ASTN2: variants seen among roughly 807,000 people sequenced by gnomAD.
ASTN2 encodes the protein astrotactin 2, also known as astrotactin-2.
Under a neutral mutation model 139.8 loss-of-function variants are expected in ASTN2, and 54 were observed. That is an observed-to-expected ratio of 0.39 (90% CI 0.31 to 0.48). The LOEUF (loss-of-function observed/expected upper bound fraction) is 0.48, where lower values mean the gene tolerates loss of function less well. Ranked by LOEUF, ASTN2 falls within the 20% of genes least tolerant of loss-of-function variation. The pLI, the probability that ASTN2 is intolerant of heterozygous loss-of-function variation, is 0.95. For missense variants in ASTN2, 1,565 were observed against 1,725.1 expected (o/e 0.91, Z 1.64); for synonymous variants, 756 against 719.5 (o/e 1.05, Z -0.81).
At chr9:116,553,935 G>A (rs903644496) in intron 19 of ASTN2, among the ~76,000 whole-genome samples, 4 of 152,206 alleles carry the variant, frequency 2.6e-5, no homozygotes, top group African/African-American at 9.6e-5. Context: ...ATCTAAAGGT[G>A]TAAGTTGTTC....
At chr9:116,792,259 G>T (rs140011559) in intron 13 of ASTN2, among the ~76,000 whole-genome samples, 6 of 152,188 alleles carry the variant, frequency 3.9e-5, no homozygotes, top group Admixed American at 2.6e-4. Flanking sequence ...GGGTGTTGAT[G>T]CTATGAGATT....
chr9:116,487,689 G>A (rs10125426), intron 19 of ASTN2, among the ~76,000 whole-genome samples, 189 bp from the exon 20 acceptor site: 2,632 of 152,184 alleles, frequency 0.017, 73 homozygotes, highest in African/African-American at 0.061. Flanking sequence ...ATATTTATGC[G>A]CAATTTTTTC....
chr9:116,454,804 T>A (rs560213884), intron 20 of ASTN2, among the ~76,000 whole-genome samples: 1 of 152,028 alleles, frequency 6.6e-6, no homozygotes, highest in African/African-American at 2.4e-5. Flanking sequence ...AAACCAAGCA[T>A]CGCATGTTCT....
intron 10 of ASTN2, among the ~76,000 whole-genome samples, chr9:116,963,677 C>T (rs1835929570): frequency 6.6e-6 from 1 of 152,158 alleles, no homozygotes; most frequent in Admixed American, 6.5e-5. Flanking sequence ...GAACTTGGGG[C>T]TTTCCTCCAT....
At chr9:117,386,695 C>G (rs1294148001) in intron 1 of ASTN2, among the ~76,000 whole-genome samples, 1 of 152,114 alleles carries the variant, frequency 6.6e-6, no homozygotes, top group Non-Finnish European at 1.5e-5. Context: ...ATGCCTCCCT[C>G]TCTGAGGGCA....
chr9:116,979,645 GATTTA>G (rs1467854436), intron 7 of ASTN2, among the ~76,000 whole-genome samples: 1 of 152,084 alleles, frequency 6.6e-6, no homozygotes, highest in African/African-American at 2.4e-5. Flanking sequence ...TCCCAGGACT[GATTTA>G]TGATCTGCTA....
chr9:116,724,635 C>T (rs148264252), intron 16 of ASTN2, among the ~76,000 whole-genome samples: 4 of 152,294 alleles, frequency 2.6e-5, no homozygotes, highest in Non-Finnish European at 5.9e-5. Flanking sequence ...AACTGGAGTG[C>T]TATGCTCAAT....
At chr9:117,107,718 T>A (rs777708337) in intron 4 of ASTN2, among the ~76,000 whole-genome samples, 14 of 152,336 alleles carry the variant, frequency 9.2e-5, no homozygotes, top group Non-Finnish European at 1.8e-4. Flanking sequence ...TCAGCTTTAT[T>A]GGCAGCTGAC....
chr9:117,360,992 G>A (rs370618246), intron 1 of ASTN2, among the ~76,000 whole-genome samples: 13 of 151,962 alleles, frequency 8.6e-5, no homozygotes, highest in East Asian at 3.9e-4. Flanking sequence ...TTAAATCCCC[G>A]AATTATTCTA....
At position 116,959,439 on chromosome 9, in the gene ASTN2, T is replaced by C. The variant is rs369660978; in HGVS notation, c.1889+15769A>G. 4.3e-4 allele frequency among the ~76,000 whole-genome samples: 66 copies of C among 152,236 alleles called. No individual in the cohort carries two copies. The East Asian group carries it at 8.6e-3, about 20-fold the overall frequency. On this transcript the variant is annotated intron_variant, in intron 10 of 22. Transcript: ENST00000313400. The stretch of plus-strand genomic sequence containing the variant: ...CTGAGAAGTGTGGGCTTTATCCTCA[T>C]AGCAACAGCAAGCGGAGCAATGGAA...
intron 17 of ASTN2, among the ~76,000 whole-genome samples, chr9:116,620,925 G>A (rs1856111261): frequency 6.6e-6 from 1 of 152,156 alleles, no homozygotes; most frequent in African/African-American, 2.4e-5. Flanking sequence ...ATAGAAGTCT[G>A]ACCATCTCAT....
At chr9:117,016,739 T>TTATATATATATTTTACA (rs1212197325) in intron 6 of ASTN2, among the ~76,000 whole-genome samples, 1 of 137,342 alleles carries the variant, frequency 7.3e-6, no homozygotes, top group African/African-American at 2.6e-5. Context: ...TATATATAGG[T>TTATATATATATTTTACA]TATATATAGG....
At chr9:117,397,520 A>G (rs567266927) in intron 1 of ASTN2, among the ~76,000 whole-genome samples, 1 of 152,328 alleles carries the variant, frequency 6.6e-6, no homozygotes, top group African/African-American at 2.4e-5. Context: ...ACTGGAGATC[A>G]TATCTGGTGT....
chr9:117,010,676 G>T (rs760489963), intron 6 of ASTN2, among the ~76,000 whole-genome samples: 5 of 114,730 alleles, frequency 4.4e-5, no homozygotes, highest in Non-Finnish European at 1.1e-4. Context: ...TCAGAAAACA[G>T]ACTCAGAGGC....
At chr9:116,823,895 A>G (rs1351199585) in intron 11 of ASTN2, among the ~76,000 whole-genome samples, 1 of 152,156 alleles carries the variant, frequency 6.6e-6, no homozygotes, top group African/African-American at 2.4e-5. Context: ...GGCAGATGAG[A>G]TCTAGCCATC....
chr9:117,304,413 T>C (rs1484134353), intron 1 of ASTN2, among the ~76,000 whole-genome samples: 1 of 152,188 alleles, frequency 6.6e-6, no homozygotes, highest in East Asian at 1.9e-4. Context: ...CTAAAAGCCT[T>C]GTCTCTTTTG....
At position 116,433,250 on chromosome 9, in the gene ASTN2, A is replaced by G. The variant is rs1052340439; in HGVS notation, c.3783-7162T>C. Among the ~76,000 whole-genome samples, 4 of 152,252 alleles carry G rather than the reference A, an allele frequency of 2.6e-5. No homozygotes were observed. In the South Asian group the frequency reaches 6.2e-4, roughly 24 times the overall value. On this transcript the variant is annotated intron_variant, in intron 22 of 22. Coordinates refer to ENST00000313400, the MANE Select transcript of ASTN2 (RefSeq NM_001365068.1). Reference sequence around the variant, plus strand: ...ATTTGCATGACTAAAGGACCCTTCAAAAAAATAAAACATTTACATACGTAT... The same window carrying G: ...ATTTGCATGACTAAAGGACCCTTCAGAAAAATAAAACATTTACATACGTAT...
At chr9:116,983,925 G>A (rs1453241860) in intron 7 of ASTN2, among the ~76,000 whole-genome samples, 6 of 152,156 alleles carry the variant, frequency 3.9e-5, no homozygotes, top group Non-Finnish European at 1.5e-5. Context: ...CCACCCAGAT[G>A]TGTGACAAAG....
intron 3 of ASTN2, among the ~76,000 whole-genome samples, chr9:117,168,463 C>T (rs2132918377): frequency 6.6e-6 from 1 of 152,178 alleles, no homozygotes; most frequent in South Asian, 2.1e-4. Context: ...TAATGAAAGC[C>T]AGAGCGTTGA....
Sources: allele counts gnomAD v4.1 joint callset (sites outside exome capture counted in the v4.1 genomes callset), GRCh38; gene constraint gnomAD v4.1.1; transcripts MANE v1.5; gene names NCBI Gene and HGNC (gene_info 2026-07-23, HGNC 2026-07-21).